Variants in GARIN1B observed in about 807,000 individuals in gnomAD.
GARIN1B encodes golgi associated RAB2 interactor 1B.
chr7:128,719,297 C>T, the GARIN1B span, among the ~76,000 whole-genome samples: 45 of 151,582 alleles, frequency 3.0e-4, no homozygotes, highest in African/African-American at 1.0e-3. Context: ...ATAAACAATT[C>T]TATATAAATT....
chr7:128,730,113 G>A, the GARIN1B span: 2 of 1,590,284 alleles, frequency 1.3e-6, no homozygotes, highest in Admixed American at 1.7e-5. Context: ...GGGCAGCCCT[G>A]GCATTCAGCC....
chr7:128,710,904 C>T, the GARIN1B span, among the ~76,000 whole-genome samples: 11 of 152,222 alleles, frequency 7.2e-5, no homozygotes, highest in South Asian at 6.2e-4. Context: ...GTGATCCGCC[C>T]GCCTCAGCCT....
chr7:128,716,250 T>G, the GARIN1B span, among the ~76,000 whole-genome samples: 1 of 152,144 alleles, frequency 6.6e-6, no homozygotes, highest in East Asian at 1.9e-4. Context: ...GTTCGTCTCC[T>G]TGCCTGGGCT....
At chr7:128,709,748 C>CT in the GARIN1B span, among the ~76,000 whole-genome samples, 4 of 68,664 alleles carry the variant, frequency 5.8e-5, no homozygotes, top group African/African-American at 1.3e-4. Context: ...CTCTCTCTCT[C>CT]TCTTTTTTTT....
chr7:128,723,804 G>A, the GARIN1B span, among the ~76,000 whole-genome samples: 3,740 of 151,992 alleles, frequency 0.025, 147 homozygotes, highest in African/African-American at 0.086. Context: ...GAGCCACCGC[G>A]CCCAGTCACT....
At chr7:128,730,086 A>G in the GARIN1B span, 1 of 1,605,416 alleles carries the variant, frequency 6.2e-7, no homozygotes, top group South Asian at 1.1e-5. Flanking sequence ...CAATGGGAGG[A>G]ATCCCCTGCC....
At chr7:128,717,473 A>G in the GARIN1B span, among the ~76,000 whole-genome samples, 1 of 146,510 alleles carries the variant, frequency 6.8e-6, no homozygotes, top group African/African-American at 2.5e-5. Context: ...ACTGAGTCTC[A>G]AAAAAGACTA....
the GARIN1B span, among the ~76,000 whole-genome samples, chr7:128,713,134 C>T: frequency 1.3e-5 from 2 of 151,978 alleles, no homozygotes; most frequent in African/African-American, 4.8e-5. Context: ...TGGTGAAACC[C>T]CATCTCTACT....
At chr7:128,729,941 G>T in the GARIN1B span, 1 of 1,614,202 alleles carries the variant, frequency 6.2e-7, no homozygotes, top group Non-Finnish European at 8.5e-7. Context: ...CCTTGCACCT[G>T]TGACCTACGT....
At chr7:128,709,750 C>CTCTGTCTTT in the GARIN1B span, among the ~76,000 whole-genome samples, 335 of 114,652 alleles carry the variant, frequency 2.9e-3, 6 homozygotes, top group African/African-American at 0.011. Flanking sequence ...CTCTCTCTCT[C>CTCTGTCTTT]TTTTTTTTTT....
At chr7:128,719,035 G>T in the GARIN1B span, 1 of 1,613,998 alleles carries the variant, frequency 6.2e-7, no homozygotes. Context: ...TTCTTGTCAC[G>T]CACTGCCTGG....
the GARIN1B span, among the ~76,000 whole-genome samples, chr7:128,714,438 C>G: frequency 6.6e-6 from 1 of 151,936 alleles, no homozygotes; most frequent in African/African-American, 2.4e-5. Flanking sequence ...ATTAGCCAGG[C>G]GTGATGGCAC....
At chr7:128,721,102 G>A in the GARIN1B span, among the ~76,000 whole-genome samples, 1 of 152,106 alleles carries the variant, frequency 6.6e-6, no homozygotes, top group Non-Finnish European at 1.5e-5. Context: ...AATATGGAAT[G>A]TCTTTTCATT....
chr7:128,726,359 G>T, the GARIN1B span, among the ~76,000 whole-genome samples: 1 of 152,154 alleles, frequency 6.6e-6, no homozygotes, highest in South Asian at 2.1e-4. Flanking sequence ...TTGCTTCATT[G>T]CTATCTTGAT....
the GARIN1B span, among the ~76,000 whole-genome samples, chr7:128,720,248 G>T: frequency 1.3e-5 from 2 of 149,770 alleles, no homozygotes; most frequent in Non-Finnish European, 3.0e-5. Flanking sequence ...GCCCAGGCTG[G>T]AGTGCAATGG....
chr7:128,716,873 G>A, the GARIN1B span: 1 of 1,613,948 alleles, frequency 6.2e-7, no homozygotes, highest in South Asian at 1.1e-5. Flanking sequence ...GGCCCTGGGG[G>A]TGACCTCCTC....
the GARIN1B span, among the ~76,000 whole-genome samples, chr7:128,724,012 G>A: frequency 6.6e-6 from 1 of 152,088 alleles, no homozygotes; most frequent in South Asian, 2.1e-4. Context: ...TGTTGTTGTT[G>A]TTCATTTGTT....
the GARIN1B span, among the ~76,000 whole-genome samples, chr7:128,722,803 CA>C: frequency 9.4e-4 from 135 of 144,216 alleles, no homozygotes; most frequent in Non-Finnish European, 1.6e-3. Flanking sequence ...GACTCTGCCT[CA>C]AAAAAAAAAC....
chr7:128,721,213 C>T, the GARIN1B span, among the ~76,000 whole-genome samples: 3 of 152,100 alleles, frequency 2.0e-5, no homozygotes, highest in African/African-American at 7.2e-5. Flanking sequence ...GTCTTGAGCT[C>T]CTGGGCTCAA....
Sources: allele counts gnomAD v4.1 joint callset (sites outside exome capture counted in the v4.1 genomes callset), GRCh38; gene constraint gnomAD v4.1.1; transcripts MANE v1.5; gene names NCBI Gene and HGNC (gene_info 2026-07-23, HGNC 2026-07-21).